Variants in MKRN1 observed in about 807,000 individuals in gnomAD.
The protein encoded by MKRN1 is makorin ring finger protein 1.
Under a neutral mutation model 55.5 loss-of-function variants are expected in MKRN1, and 9 were observed. That is an observed-to-expected ratio of 0.16 (90% CI 0.10 to 0.28). The LOEUF is 0.28. Ranked by LOEUF, MKRN1 falls within the 10% of genes least tolerant of loss-of-function variation. The pLI, the probability that MKRN1 is intolerant of heterozygous loss-of-function variation, is 1.00. For synonymous variants in MKRN1, 253 were observed against 235.9 expected (o/e 1.07, Z -0.66); for missense variants, 488 against 626.7 (o/e 0.78, Z 2.36).
chr7:140,472,227 C>A (rs1794949343), intron 1 of MKRN1: 1 of 531,848 alleles, frequency 1.9e-6, no homozygotes, highest in Non-Finnish European at 3.3e-6. Flanking sequence ...CTAAGACCAG[C>A]GGTTCGAGAC....
chr7:140,474,064 A>AGAAAGAAAGAAAGAAAGAAG (rs1563097061), intron 1 of MKRN1, among the ~76,000 whole-genome samples: 2 of 145,074 alleles, frequency 1.4e-5, no homozygotes, highest in Non-Finnish European at 3.0e-5. Flanking sequence ...AAAGAAAGAA[A>AGAAAGAAAGAAAGAAAGAAG]GAATAAAAGA....
rs1794391692 is a variant in MKRN1, at chr7:140,453,600, T to G, written c.*917A>C. On this transcript the variant is annotated 3_prime_UTR_variant, in exon 8 of 8. Transcript: ENST00000255977. ...GTTATTATATGGGATAACCAGGTAG[T>G]TTTAACCTCTATGGCTAACCCCATT... 6.6e-6 allele frequency: 1 copy of G among 152,446 alleles called. No homozygotes were observed. The highest frequency in any genetic ancestry group is 6.5e-5 in the Admixed American group (1 of 15,278). 9.4% of individuals were successfully genotyped at this position (152,446 alleles called of 1,614,324 possible). A position where few individuals can be genotyped will look rare whatever the true frequency, so the allele number is the denominator to read the frequency against.
chr7:140,469,160 A>G (rs1173288785), intron 2 of MKRN1, among the ~76,000 whole-genome samples: 1 of 151,998 alleles, frequency 6.6e-6, no homozygotes, highest in Non-Finnish European at 1.5e-5. Context: ...CCCCGTCTAT[A>G]CTAAAAATAC....
intron 2 of MKRN1, 129 bp downstream of exon 2, chr7:140,471,754 G>C (rs1794933318): frequency 1.5e-6 from 2 of 1,293,342 alleles, no homozygotes; most frequent in Non-Finnish European, 2.1e-6. Context: ...ATAGGCATGA[G>C]CCACTGCCCA....
chr7:140,475,954 AAC>A lies in MKRN1; in HGVS notation c.185+3204_185+3205del, dbSNP rs139579114. Among the ~76,000 whole-genome samples the A allele has an allele frequency of 3.7e-4, 56 of 152,298 alleles. No individual in the cohort carries two copies. The East Asian group carries it at 0.01, about 27-fold the overall frequency. On this transcript the variant is annotated intron_variant, in intron 1 of 7. Transcript: ENST00000255977. The stretch of plus-strand genomic sequence containing the variant: ...AAAAACAGCCTGGTGGTGGCAGCAT[AAC>A]ACAGTTTCTGAGGAAAGGTATAAAA...
In MKRN1 at chr7:140,454,476, G is replaced by A; in HGVS notation, c.*41C>T. ...CACACCACCACAGGGGACAGCTGCT[G>A]TCTGAGGTCAGCAGACCAGTTCACA... On this transcript the variant is annotated 3_prime_UTR_variant, in exon 8 of 8. Coordinates refer to ENST00000255977, the MANE Select transcript of MKRN1 (RefSeq NM_013446.4). 1 of 1,573,014 alleles carries A rather than the reference G, an allele frequency of 6.4e-7. No individual in the cohort carries two copies. The highest frequency in any genetic ancestry group is 8.7e-7 in the Non-Finnish European group (1 of 1,151,512).
intron 2 of MKRN1, among the ~76,000 whole-genome samples, chr7:140,467,820 C>T (rs919565767): frequency 1.8e-4 from 28 of 151,550 alleles, no homozygotes; most frequent in African/African-American, 5.3e-4. Flanking sequence ...CTGACCAACA[C>T]GGAGAAACCC....
intron 1 of MKRN1, chr7:140,473,863 A>C (rs1385373414): frequency 2.6e-5 from 4 of 151,842 alleles, no homozygotes; most frequent in African/African-American, 9.7e-5. Flanking sequence ...GTGATGGTAC[A>C]AGCCTGTAAT....
intron 1 of MKRN1, chr7:140,472,331 G>T: frequency 3.6e-6 from 1 of 279,524 alleles, no homozygotes; most frequent in African/African-American, 2.2e-5. Context: ...TACTCAGGAG[G>T]CTGAGGCAGG....
intron 1 of MKRN1, chr7:140,478,949 C>A: frequency 4.0e-6 from 2 of 502,354 alleles, no homozygotes; most frequent in Non-Finnish European, 6.0e-6. Flanking sequence ...GCGGACAGCG[C>A]TGAGGGCTCC....
chr7:140,474,798 A>G (rs1372375628), intron 1 of MKRN1, among the ~76,000 whole-genome samples: 1 of 150,460 alleles, frequency 6.6e-6, no homozygotes, highest in Non-Finnish European at 1.5e-5. Context: ...GGCTCACTGC[A>G]GCCTCTGCCT....
At chr7:140,459,419 T>C (rs1221663783) in intron 3 of MKRN1, among the ~76,000 whole-genome samples, 186 bp from the exon 4 acceptor site, 1 of 131,064 alleles carries the variant, frequency 7.6e-6, no homozygotes, top group Non-Finnish European at 1.5e-5. Context: ...AGATTAGACT[T>C]GTAAAAAAAA....
intron 1 of MKRN1, chr7:140,474,474 G>A (rs1298299725): frequency 9.2e-6 from 3 of 324,344 alleles, no homozygotes; most frequent in East Asian, 1.1e-4. Flanking sequence ...CCAGGATCAC[G>A]CCACTGAGAC....
chr7:140,472,771 T>C lies in MKRN1; in HGVS notation c.186-760A>G, dbSNP rs1794971900. Among the ~76,000 whole-genome samples, 4 of 151,562 alleles carry C rather than the reference T, an allele frequency of 2.6e-5. No individual in the cohort carries two copies. The South Asian group carries it at 8.3e-4, about 32-fold the overall frequency. ...CGACTATGACTCTGTCTCAAAAAAA[T>C]GTAATAATAATACGCCTTAGATTAT... On this transcript the variant is annotated intron_variant, in intron 1 of 7. Coordinates refer to ENST00000255977, the MANE Select transcript of MKRN1 (RefSeq NM_013446.4).
intron 5 of MKRN1, 92 bp downstream of exon 5, chr7:140,456,560 T>TA (rs775877449): frequency 4.3e-5 from 65 of 1,524,012 alleles, no homozygotes; most frequent in Non-Finnish European, 5.5e-5. Flanking sequence ...TGCATGCATT[T>TA]AAATGCGGTC....
intron 1 of MKRN1, among the ~76,000 whole-genome samples, chr7:140,476,545 GT>G (rs72087358): frequency 0.25 from 30,979 of 125,674 alleles, 4,524 homozygotes; most frequent in African/African-American, 0.48. Flanking sequence ...TACAAGTTTT[GT>G]TTTTTTTTTT....
chr7:140,463,777 C>T (rs1398300292), intron 2 of MKRN1, among the ~76,000 whole-genome samples: 1 of 151,758 alleles, frequency 6.6e-6, no homozygotes, highest in Admixed American at 6.6e-5. Context: ...CCCAGCTACT[C>T]GGGAGGCTGA....
chr7:140,465,540 C>T (rs1164168425), intron 2 of MKRN1, among the ~76,000 whole-genome samples: 1 of 150,426 alleles, frequency 6.6e-6, no homozygotes, highest in African/African-American at 2.5e-5. Flanking sequence ...GAAACAAAGA[C>T]TGGGAGTTCT....
intron 4 of MKRN1, 64 bp from the exon 5 acceptor site, chr7:140,456,930 A>G: frequency 6.8e-7 from 1 of 1,462,758 alleles, no homozygotes; most frequent in South Asian, 1.2e-5. Context: ...CTTGAGCAAC[A>G]GTTAATGATT....
Sources: allele counts gnomAD v4.1 joint callset (sites outside exome capture counted in the v4.1 genomes callset), GRCh38; gene constraint gnomAD v4.1.1; transcripts MANE v1.5; gene names NCBI Gene and HGNC (gene_info 2026-07-23, HGNC 2026-07-21).